The following TENM3 variants were observed in gnomAD, a reference collection of about 807,000 sequenced individuals.
TENM3 encodes the protein teneurin transmembrane protein 3.
In TENM3, 63 loss-of-function variants were observed where a neutral mutation model predicts 255.1. The ratio of observed to expected loss-of-function variants is 0.25; its 90% CI spans 0.20 to 0.30. The LOEUF is 0.30. Ranked by LOEUF, TENM3 falls within the 10% of genes least tolerant of loss-of-function variation. TENM3 has a pLI of 1.00. For missense variants in TENM3, 2,929 were observed against 3,461.1 expected (o/e 0.85, Z 3.86); for synonymous variants, 1,306 against 1,322.3 (o/e 0.99, Z 0.27).
intron 1 of TENM3, among the ~76,000 whole-genome samples, chr4:182,190,542 G>A (rs1753449292): frequency 6.6e-6 from 1 of 152,198 alleles, no homozygotes; most frequent in African/African-American, 2.4e-5. Context: ...GACGACGGAA[G>A]CCAGTAATCC....
At chr4:181,453,673 A>G in the TENM3 span, among the ~76,000 whole-genome samples, 1 of 152,184 alleles carries the variant, frequency 6.6e-6, no homozygotes, top group African/African-American at 2.4e-5. Flanking sequence ...GTGGACCAGC[A>G]TGCAAAGCAG....
At chr4:181,577,973 C>T in the TENM3 span, among the ~76,000 whole-genome samples, 1 of 152,150 alleles carries the variant, frequency 6.6e-6, no homozygotes, top group Non-Finnish European at 1.5e-5. Flanking sequence ...CGTCCATCCT[C>T]CATTGCTCTT....
chr4:181,539,463 C>A, the TENM3 span, among the ~76,000 whole-genome samples: 1 of 152,076 alleles, frequency 6.6e-6, no homozygotes, highest in South Asian at 2.1e-4. Context: ...CAAACCAAAG[C>A]AAAAACATAA....
intron 1 of TENM3, among the ~76,000 whole-genome samples, chr4:182,264,450 G>T (rs971307026): frequency 2.0e-5 from 3 of 152,176 alleles, no homozygotes; most frequent in African/African-American, 7.2e-5. Flanking sequence ...GAATTTGAGG[G>T]TTCATGTCAT....
intron 1 of TENM3, among the ~76,000 whole-genome samples, chr4:182,216,840 A>T (rs1260812890): frequency 6.6e-6 from 1 of 152,092 alleles, no homozygotes; most frequent in Admixed American, 6.6e-5. Context: ...CCTGAAAACG[A>T]TTCAGGTGTT....
At chr4:182,442,099 A>G (rs1001511269) in intron 3 of TENM3, among the ~76,000 whole-genome samples, 4 of 152,164 alleles carry the variant, frequency 2.6e-5, no homozygotes, top group African/African-American at 9.7e-5. Flanking sequence ...GAGCAAGCAG[A>G]AATTGGTCAG....
At chr4:182,183,303 A>C (rs1752950419) in intron 1 of TENM3, among the ~76,000 whole-genome samples, 1 of 152,134 alleles carries the variant, frequency 6.6e-6, no homozygotes, top group Non-Finnish European at 1.5e-5. Flanking sequence ...GAAACACTGA[A>C]GGCTACTTTA....
chr4:181,722,741 T>A, the TENM3 span, among the ~76,000 whole-genome samples: 25 of 152,354 alleles, frequency 1.6e-4, no homozygotes, highest in Non-Finnish European at 3.2e-4. Flanking sequence ...ACAATCTGTC[T>A]CCTTTTTCAA....
the TENM3 span, among the ~76,000 whole-genome samples, chr4:181,743,217 G>A: frequency 6.6e-6 from 1 of 152,118 alleles, no homozygotes; most frequent in Non-Finnish European, 1.5e-5. Context: ...GGGTCAAATG[G>A]TATTTTAGTT....
the TENM3 span, among the ~76,000 whole-genome samples, chr4:181,886,047 GGTTT>G: frequency 2.3e-4 from 30 of 128,352 alleles, no homozygotes; most frequent in African/African-American, 8.6e-4. Flanking sequence ...GTTTTTCTTG[GGTTT>G]TTTTTTTTTT....
intron 3 of TENM3, 72 bp downstream of exon 3, chr4:182,347,001 G>GC: frequency 3.5e-6 from 4 of 1,133,232 alleles, no homozygotes; most frequent in Non-Finnish European, 4.8e-6. Context: ...TCCGCGGGGG[G>GC]GGATGTTTTT....
chr4:181,878,518 GT>G, the TENM3 span, among the ~76,000 whole-genome samples: 7 of 152,066 alleles, frequency 4.6e-5, no homozygotes, highest in Non-Finnish European at 8.8e-5. Flanking sequence ...GATCTTCAGT[GT>G]TTTTGGTAGT....
the TENM3 span, among the ~76,000 whole-genome samples, chr4:182,038,312 T>C: frequency 1.3e-5 from 2 of 152,224 alleles, no homozygotes; most frequent in Non-Finnish European, 2.9e-5. Flanking sequence ...TATTTCATCT[T>C]TATTTATAAA....
At chr4:181,489,134 A>G in the TENM3 span, among the ~76,000 whole-genome samples, 3 of 152,186 alleles carry the variant, frequency 2.0e-5, no homozygotes, top group African/African-American at 7.2e-5. Flanking sequence ...AATTCTGTAA[A>G]TGCCCAGTGT....
At chr4:181,881,281 C>T in the TENM3 span, among the ~76,000 whole-genome samples, 2 of 152,080 alleles carry the variant, frequency 1.3e-5, no homozygotes, top group African/African-American at 4.8e-5. Flanking sequence ...AATTATGTTA[C>T]TTCTCACCAA....
At chr4:182,050,596 T>C in the TENM3 span, among the ~76,000 whole-genome samples, 6 of 151,860 alleles carry the variant, frequency 4.0e-5, no homozygotes, top group African/African-American at 1.2e-4. Context: ...TTGAGGTCAG[T>C]AGTTCAAGAC....
chr4:181,467,125 A>ATTTTTTTTTTTTTTTTTTTTTTT, the TENM3 span, among the ~76,000 whole-genome samples: 2 of 17,618 alleles, frequency 1.1e-4, no homozygotes, highest in Non-Finnish European at 1.1e-4. Flanking sequence ...ATATATATAT[A>ATTTTTTTTTTTTTTTTTTTTTTT]TTTTTTTTTT....
At chr4:182,420,370 A>C (rs1358888280) in intron 3 of TENM3, among the ~76,000 whole-genome samples, 3 of 152,200 alleles carry the variant, frequency 2.0e-5, no homozygotes, top group African/African-American at 7.2e-5. Context: ...GACTCCAGTC[A>C]TCCATAGACA....
intron 1 of TENM3, among the ~76,000 whole-genome samples, chr4:182,249,117 C>T (rs1037049481): frequency 5.9e-5 from 9 of 152,148 alleles, no homozygotes; most frequent in African/African-American, 2.2e-4. Context: ...AATTCCTTGG[C>T]CAGAGCTGCA....
Sources: allele counts gnomAD v4.1 joint callset (sites outside exome capture counted in the v4.1 genomes callset), GRCh38; gene constraint gnomAD v4.1.1; transcripts MANE v1.5; gene names NCBI Gene and HGNC (gene_info 2026-07-23, HGNC 2026-07-21).